CSGALNACT1: variants seen among roughly 807,000 people sequenced by gnomAD.
CSGALNACT1 encodes chondroitin sulfate N-acetylgalactosaminyltransferase 1.
A neutral mutation model predicts 51.0 loss-of-function variants in CSGALNACT1; 52 were observed. The observed-to-expected ratio is 1.02, with a 90% CI of 0.82 to 1.29. The LOEUF (loss-of-function observed/expected upper bound fraction) is 1.29, where lower values mean the gene tolerates loss of function less well. Among genes scored for constraint, CSGALNACT1 ranks in the 50% most tolerant of loss-of-function variants. CSGALNACT1 has a pLI of 0.00. For missense variants in CSGALNACT1, 935 were observed against 679.2 expected (o/e 1.38, Z -4.19); for synonymous variants, 341 against 254.4 (o/e 1.34, Z -3.24).
intron 3 of CSGALNACT1, among the ~76,000 whole-genome samples, chr8:19,543,790 G>T (rs1020038475): frequency 6.6e-6 from 1 of 152,144 alleles, no homozygotes; most frequent in African/African-American, 2.4e-5. Context: ...AATAATAACT[G>T]TAAGTGCAAC....
intron 3 of CSGALNACT1, among the ~76,000 whole-genome samples, chr8:19,562,912 G>T (rs2041091848): frequency 6.6e-6 from 1 of 152,134 alleles, no homozygotes; most frequent in African/African-American, 2.4e-5. Flanking sequence ...ATTTGACCAA[G>T]CAATCCCATT....
intron 2 of CSGALNACT1, among the ~76,000 whole-genome samples, chr8:19,596,055 C>T (rs1011057959): frequency 6.6e-6 from 1 of 151,912 alleles, no homozygotes; most frequent in Non-Finnish European, 1.5e-5. Context: ...TTTATAGAGA[C>T]AGGGGTCTTG....
intron 2 of CSGALNACT1, among the ~76,000 whole-genome samples, chr8:19,591,620 T>C (rs912059184): frequency 1.3e-5 from 2 of 152,212 alleles, no homozygotes; most frequent in South Asian, 2.1e-4. Context: ...AATTGACTGA[T>C]AGGGATAAAA....
intron 4 of CSGALNACT1, among the ~76,000 whole-genome samples, chr8:19,495,868 T>C (rs1252515209): frequency 2.6e-4 from 40 of 152,162 alleles, no homozygotes; most frequent in Non-Finnish European, 1.5e-5. Context: ...AGGGAAAAGG[T>C]AGACAGTTCT....
intron 5 of CSGALNACT1, 80 bp from the exon 5 acceptor site, chr8:19,440,011 G>A: frequency 1.7e-6 from 2 of 1,164,198 alleles, no homozygotes; most frequent in South Asian, 1.2e-5. Flanking sequence ...TTTTTGTAAA[G>A]TGCAAAAGGG....
intron 8 of CSGALNACT1, 88 bp from the exon 8 acceptor site, chr8:19,408,782 G>T: frequency 8.7e-7 from 1 of 1,144,792 alleles, no homozygotes; most frequent in Non-Finnish European, 1.3e-6. Flanking sequence ...ACCGTGGAGT[G>T]TGGAGCCCAT....
intron 5 of CSGALNACT1, 21 bp from the exon 5 acceptor site, chr8:19,439,952 A>C: frequency 1.3e-6 from 2 of 1,590,434 alleles, no homozygotes; most frequent in Non-Finnish European, 1.7e-6. Flanking sequence ...AAACACATGC[A>C]TGTCTGGCAC....
At chr8:19,739,492 T>C (rs1470933964) in intron 1 of CSGALNACT1, among the ~76,000 whole-genome samples, 1 of 152,190 alleles carries the variant, frequency 6.6e-6, no homozygotes, top group East Asian at 1.9e-4. Context: ...TGCCTCACTA[T>C]ATCCCCTTCC....
chr8:19,528,244 C>A (rs377558675), intron 3 of CSGALNACT1, among the ~76,000 whole-genome samples: 3 of 151,818 alleles, frequency 2.0e-5, no homozygotes, highest in East Asian at 1.9e-4. Context: ...GCCCGAACAC[C>A]ATTTTCCGAC....
chr8:19,576,140 G>C (rs1365069234), intron 3 of CSGALNACT1, among the ~76,000 whole-genome samples: 5 of 152,054 alleles, frequency 3.3e-5, no homozygotes, highest in Non-Finnish European at 7.4e-5. Flanking sequence ...AGGCTGGAGA[G>C]GATGTTTCCC....
intron 6 of CSGALNACT1, among the ~76,000 whole-genome samples, chr8:19,435,940 C>T (rs1168825663): frequency 6.6e-6 from 1 of 152,148 alleles, no homozygotes; most frequent in Non-Finnish European, 1.5e-5. Flanking sequence ...TTTATCCTTA[C>T]TACTTGTGCT....
At chr8:19,569,105 C>A (rs139895075) in intron 3 of CSGALNACT1, among the ~76,000 whole-genome samples, 2 of 152,164 alleles carry the variant, frequency 1.3e-5, no homozygotes, top group African/African-American at 2.4e-5. Context: ...AATGAGAGAG[C>A]TTTTAAGGAG....
At chr8:19,514,174 C>G (rs2079025379) in intron 3 of CSGALNACT1, among the ~76,000 whole-genome samples, 1 of 152,054 alleles carries the variant, frequency 6.6e-6, no homozygotes, top group Non-Finnish European at 1.5e-5. Flanking sequence ...AGCCAAATCC[C>G]AGCGAGAGGA....
At chr8:19,441,507 G>C (rs907691348) in intron 5 of CSGALNACT1, among the ~76,000 whole-genome samples, 5 of 152,182 alleles carry the variant, frequency 3.3e-5, no homozygotes, top group Admixed American at 6.5e-5. Context: ...GGGAAAACTG[G>C]CTAGCCATAT....
chr8:19,628,989 C>T (rs1363487564), intron 1 of CSGALNACT1, among the ~76,000 whole-genome samples: 1 of 152,114 alleles, frequency 6.6e-6, no homozygotes, highest in East Asian at 1.9e-4. Context: ...CATTTTGGTC[C>T]ACTTATTTCT....
chr8:19,418,706 C>T (rs748164265), exon 8 of CSGALNACT1: 1 of 1,613,814 alleles, frequency 6.2e-7, no homozygotes, highest in Non-Finnish European at 8.5e-7. Context: ...TATATTATGC[C>T]AGGATTGTAC....
At chr8:19,460,127 C>T (rs1265125208) in intron 4 of CSGALNACT1, among the ~76,000 whole-genome samples, 1 of 152,158 alleles carries the variant, frequency 6.6e-6, no homozygotes, top group Non-Finnish European at 1.5e-5. Context: ...ACACACATTA[C>T]AAAGGTAAAA....
chr8:19,620,270 G>T (rs1201270587), intron 1 of CSGALNACT1, among the ~76,000 whole-genome samples: 3 of 127,934 alleles, frequency 2.3e-5, no homozygotes, highest in African/African-American at 9.1e-5. Context: ...AGCCAAGATT[G>T]CACCACTGCA....
upstream of CSGALNACT1, among the ~76,000 whole-genome samples, chr8:19,603,559 A>G (rs914400441): frequency 2.0e-5 from 3 of 152,200 alleles, no homozygotes; most frequent in African/African-American, 7.2e-5. Context: ...CTTGGACCCG[A>G]ATCTGAGTTG....
Sources: allele counts gnomAD v4.1 joint callset (sites outside exome capture counted in the v4.1 genomes callset), GRCh38; gene constraint gnomAD v4.1.1; transcripts MANE v1.5; gene names NCBI Gene and HGNC (gene_info 2026-07-23, HGNC 2026-07-21).